Variants in SENP1 observed in about 807,000 individuals in gnomAD.
The protein encoded by SENP1 is sentrin-specific protease 1.
A neutral mutation model predicts 93.0 loss-of-function variants in SENP1; 21 were observed. That is an observed-to-expected ratio of 0.23 (90% CI 0.16 to 0.33). The LOEUF is 0.33. Ranked by LOEUF, SENP1 falls within the 10% of genes least tolerant of loss-of-function variation. SENP1 has a pLI of 1.00. For missense variants in SENP1, 591 were observed against 758.7 expected (o/e 0.78, Z 2.60); for synonymous variants, 256 against 259.6 (o/e 0.99, Z 0.13).
Position 48,074,365 on chromosome 12 carries a change from T to C in SENP1, c.899A>G (p.His300Arg), listed in dbSNP as rs774398360. Reference sequence around the variant, plus strand: ...TGAAGCTGCTAAGTTATCTGGCTGATGTGGAACAGAGTGGTGATGATGGGG... The same window carrying C: ...TGAAGCTGCTAAGTTATCTGGCTGACGTGGAACAGAGTGGTGATGATGGGG... ...HHPHHHHSVP[H>R]QPDNLAASNT... The change falls in exon 8 of 18, where the codon CAT (histidine) becomes CGT (arginine). Residue 300 changes from histidine (H) to arginine (R), a missense_variant. Around this residue, in one of 4 missense-constraint regions of SENP1, gnomAD observed 238 missense variants for 259.1 expected, o/e 0.92. Transcript: ENST00000549518. 2 of 1,613,890 alleles carry C rather than the reference T, an allele frequency of 1.2e-6. No homozygotes were observed. The highest frequency in any genetic ancestry group is 1.7e-5 in the Admixed American group (1 of 60,020).
chr12:48,085,992 G>A (rs1429111887), intron 5 of SENP1, among the ~76,000 whole-genome samples: 3 of 152,174 alleles, frequency 2.0e-5, no homozygotes, highest in Non-Finnish European at 4.4e-5. Context: ...AAGCAAGGGT[G>A]TTACCCAAAA....
intron 15 of SENP1, among the ~76,000 whole-genome samples, chr12:48,047,348 A>T (rs1941444760): frequency 6.6e-6 from 1 of 152,192 alleles, no homozygotes; most frequent in African/African-American, 2.4e-5. Context: ...CCTTCTGAGG[A>T]ACAATTCTTT....
chr12:48,079,300 C>T (rs1944349415), intron 6 of SENP1, among the ~76,000 whole-genome samples: 1 of 152,014 alleles, frequency 6.6e-6, no homozygotes, highest in African/African-American at 2.4e-5. Context: ...TAGATCGAGA[C>T]CATCCTGGCT....
intron 6 of SENP1, among the ~76,000 whole-genome samples, chr12:48,076,668 G>T (rs1944109740): frequency 6.8e-6 from 1 of 147,706 alleles, no homozygotes; most frequent in Admixed American, 6.9e-5. Context: ...TTTTGAGACG[G>T]AGTCTCACTC....
At chr12:48,068,370 T>A (rs1943439544) in intron 9 of SENP1, among the ~76,000 whole-genome samples, 1 of 152,212 alleles carries the variant, frequency 6.6e-6, no homozygotes, top group Admixed American at 6.5e-5. Flanking sequence ...GTGCTCTACA[T>A]GTAAAACTCT....
intron 4 of SENP1, among the ~76,000 whole-genome samples, chr12:48,094,376 T>A (rs184678813): frequency 6.6e-6 from 1 of 151,372 alleles, no homozygotes; most frequent in African/African-American, 2.4e-5. Context: ...TGAAACTCTG[T>A]CTCAAAAAAA....
chr12:48,087,672 G>A lies in SENP1; in HGVS notation c.380+1129C>T, dbSNP rs561754455. Reference sequence around the variant, plus strand: ...TAATGTGTTGATTTCTACAATGTGAGTGTATGAGTGAATTACTGTATAATT... The same window carrying A: ...TAATGTGTTGATTTCTACAATGTGAATGTATGAGTGAATTACTGTATAATT... On this transcript the variant is annotated intron_variant, in intron 5 of 17. Transcript: ENST00000549518. 3.3e-5 allele frequency among the ~76,000 whole-genome samples: 5 copies of A among 152,334 alleles called. No homozygotes were observed. In the East Asian group the frequency reaches 9.6e-4, roughly 29 times the overall value.
intron 13 of SENP1, among the ~76,000 whole-genome samples, chr12:48,049,569 T>G (rs1379026630): frequency 6.6e-6 from 1 of 152,192 alleles, no homozygotes; most frequent in African/African-American, 2.4e-5. Context: ...TAGCGCCTAG[T>G]GTTAGTCAAG....
At chr12:48,085,059 G>C (rs1944758178) in intron 5 of SENP1, 2 of 1,269,428 alleles carry the variant, frequency 1.6e-6, no homozygotes, top group Non-Finnish European at 2.2e-6. Flanking sequence ...CCTGGCTGCA[G>C]GGATGGCGGG....
chr12:48,098,751 A>C (rs1217909858), intron 2 of SENP1, among the ~76,000 whole-genome samples: 2 of 151,774 alleles, frequency 1.3e-5, no homozygotes, highest in Non-Finnish European at 2.9e-5. Context: ...GTTCAAATTT[A>C]CAGTGAGCTA....
intron 4 of SENP1, among the ~76,000 whole-genome samples, chr12:48,095,786 T>A (rs1044296529): frequency 3.4e-4 from 51 of 152,098 alleles, no homozygotes; most frequent in African/African-American, 1.2e-3. Flanking sequence ...GTCAGGCAGG[T>A]CACAGGATAA....
chr12:48,071,602 C>A, intron 9 of SENP1, 65 bp downstream of exon 9: 3 of 1,158,936 alleles, frequency 2.6e-6, no homozygotes, highest in Non-Finnish European at 3.8e-6. Flanking sequence ...GGCAACAGAG[C>A]GAGACTCCGT....
At chr12:48,096,645 G>T (rs548915142) in intron 3 of SENP1, among the ~76,000 whole-genome samples, 1 of 151,928 alleles carries the variant, frequency 6.6e-6, no homozygotes, top group South Asian at 2.1e-4. Context: ...TAGTAGAGAC[G>T]GGGTTTCACC....
chr12:48,105,835 A>G (rs924700864), intron 1 of SENP1, 193 bp downstream of exon 1: 20 of 597,326 alleles, frequency 3.3e-5, no homozygotes, highest in South Asian at 3.2e-4. Context: ...ACCGGCGGCC[A>G]CAGCGCGGCC....
At chr12:48,066,682 T>G (rs879274322) in intron 10 of SENP1, among the ~76,000 whole-genome samples, 3 of 152,080 alleles carry the variant, frequency 2.0e-5, no homozygotes, top group Non-Finnish European at 2.9e-5. Context: ...CAGCCAATTT[T>G]TGTATTTTTA....
chr12:48,060,884 TC>T (rs1942913990), intron 13 of SENP1, among the ~76,000 whole-genome samples: 1 of 152,224 alleles, frequency 6.6e-6, no homozygotes, highest in African/African-American at 2.4e-5. Context: ...CCTTTTGTAT[TC>T]TTTATATGGC....
intron 4 of SENP1, among the ~76,000 whole-genome samples, chr12:48,091,356 A>G (rs1027332017): frequency 6.6e-6 from 1 of 152,032 alleles, no homozygotes; most frequent in Non-Finnish European, 1.5e-5. Flanking sequence ...AGGCTGAGGC[A>G]TAAGAATCAC....
In SENP1 at chr12:48,056,886, ATAT is replaced by A. The variant is rs1449881686; in HGVS notation, c.1407+6821_1407+6823del. Among the ~76,000 whole-genome samples, 2 of 62,538 alleles carry A rather than the reference ATAT, an allele frequency of 3.2e-5. 1 individual carries two copies. The highest frequency in any genetic ancestry group is 5.3e-5 in the Non-Finnish European group (2 of 37,840). The allele number at this position is 62,538 out of a possible 152,430, so 41.0% of individuals were successfully genotyped here. On this transcript the variant is annotated intron_variant, in intron 13 of 17. Transcript: ENST00000549518. ...ATATATTACATATTACATATATAATATATTATTTAATATATTACATATTACATA... is the reference window on the plus strand; with the variant it reads ...ATATATTACATATTACATATATAATATATTTAATATATTACATATTACATA...
intron 2 of SENP1, among the ~76,000 whole-genome samples, chr12:48,099,471 C>T (rs1255485630): frequency 6.6e-6 from 1 of 152,098 alleles, no homozygotes; most frequent in Admixed American, 6.5e-5. Flanking sequence ...CAGTAACACA[C>T]ACTGTTAACA....
Sources: allele counts gnomAD v4.1 joint callset (sites outside exome capture counted in the v4.1 genomes callset), GRCh38; gene constraint gnomAD v4.1.1; regional missense constraint gnomAD v4.1.1; transcripts MANE v1.5; gene names NCBI Gene and HGNC (gene_info 2026-07-23, HGNC 2026-07-21).